The following PIBF1 variants were observed in gnomAD, a reference collection of about 807,000 sequenced individuals.
PIBF1 encodes the protein progesterone immunomodulatory binding factor 1.
In PIBF1, 90 loss-of-function variants were observed where a neutral mutation model predicts 112.5. That is an observed-to-expected ratio of 0.80 (90% CI 0.67 to 0.95). The LOEUF (loss-of-function observed/expected upper bound fraction) is 0.95, where lower values mean the gene tolerates loss of function less well. Ranked by LOEUF, PIBF1 falls within the 40% of genes least tolerant of loss-of-function variation. The pLI is 0.00. For synonymous variants in PIBF1, 301 were observed against 288.6 expected, an observed-to-expected ratio of 1.04 and a Z score of -0.44; for missense variants, 915 against 852.3, an observed-to-expected ratio of 1.07 and a Z score of -0.92.
chr13:72,931,878 T>G (rs2041715024), intron 14 of PIBF1, among the ~76,000 whole-genome samples: 3 of 150,142 alleles, frequency 2.0e-5, no homozygotes, highest in African/African-American at 7.3e-5. Context: ...TTTTATTTAT[T>G]TATTTAATAT....
intron 14 of PIBF1, among the ~76,000 whole-genome samples, chr13:72,935,160 A>G (rs1190323633): frequency 6.6e-6 from 1 of 151,912 alleles, no homozygotes; most frequent in Non-Finnish European, 1.5e-5. Context: ...TAATTTTTGT[A>G]TTTTTAGTAG....
intron 12 of PIBF1, among the ~76,000 whole-genome samples, chr13:72,909,053 A>C (rs776808065): frequency 6.6e-6 from 1 of 152,178 alleles, no homozygotes; most frequent in Non-Finnish European, 1.5e-5. Context: ...TCAAAAAAAA[A>C]AGAAAAGAAA....
intron 14 of PIBF1, among the ~76,000 whole-genome samples, chr13:72,952,900 A>AT (rs1375554551): frequency 1.3e-5 from 2 of 151,410 alleles, no homozygotes; most frequent in Non-Finnish European, 2.9e-5. Flanking sequence ...AAAAAAAAAA[A>AT]AATCCCCAGT....
At chr13:72,801,737 G>A (rs2035486486) in intron 5 of PIBF1, among the ~76,000 whole-genome samples, 1 of 152,142 alleles carries the variant, frequency 6.6e-6, no homozygotes, top group Non-Finnish European at 1.5e-5. Flanking sequence ...ACAATAAAAA[G>A]TGATTTCTCG....
chr13:72,855,599 A>G (rs2038386245), intron 10 of PIBF1, among the ~76,000 whole-genome samples: 2 of 152,136 alleles, frequency 1.3e-5, no homozygotes, highest in African/African-American at 4.8e-5. Context: ...CAGTGAGCAG[A>G]GATCATGCCA....
In PIBF1 at chr13:72,904,433, C is replaced by CTTTTTTTTTTTTTTTTTTTTTTTT. The variant is rs71099767; in HGVS notation, c.1489-4096_1489-4073dup. Among the ~76,000 whole-genome samples the CTTTTTTTTTTTTTTTTTTTTTTTT allele has an allele frequency of 1.8e-3, 65 of 36,558 alleles. 13 individuals carry two copies. The highest frequency in any genetic ancestry group is 2.5e-3 in the African/African-American group (22 of 8,920). The allele number at this position is 36,558 out of a possible 152,430, so 24.0% of individuals were successfully genotyped here. On this transcript the variant is annotated intron_variant, in intron 11 of 17. Transcript: ENST00000326291. Reference sequence around the variant, plus strand: ...ATTTATCCAAAATATCAAAATATTTCTTTTTTTTTTTTTTTTTTTTTTTTT... The same window carrying CTTTTTTTTTTTTTTTTTTTTTTTT: ...ATTTATCCAAAATATCAAAATATTTCTTTTTTTTTTTTTTTTTTTTTTTTTTTTTTTTTTTTTTTTTTTTTTTTT...
chr13:72,985,256 A>G (rs1341803986), intron 16 of PIBF1, among the ~76,000 whole-genome samples: 1 of 150,848 alleles, frequency 6.6e-6, no homozygotes, highest in Non-Finnish European at 1.5e-5. Flanking sequence ...GGCCGGGCGC[A>G]GTGGCTCACG....
At chr13:72,871,595 C>T (rs1461833507) in intron 10 of PIBF1, among the ~76,000 whole-genome samples, 3 of 152,154 alleles carry the variant, frequency 2.0e-5, no homozygotes, top group East Asian at 1.9e-4. Flanking sequence ...TGAGCCTCCG[C>T]GACCAGCCTC....
At chr13:72,972,155 T>C (rs1344987800) in intron 15 of PIBF1, among the ~76,000 whole-genome samples, 8 of 151,866 alleles carry the variant, frequency 5.3e-5, no homozygotes, top group Non-Finnish European at 7.4e-5. Context: ...TACCTCATGC[T>C]TTGATGTAGC....
At chr13:72,817,057 C>T (rs1012414294) in intron 5 of PIBF1, among the ~76,000 whole-genome samples, 1 of 152,120 alleles carries the variant, frequency 6.6e-6, no homozygotes, top group Non-Finnish European at 1.5e-5. Flanking sequence ...TCTTAGTTTT[C>T]CAGAATAGCT....
rs1566457766 is a variant in PIBF1, at chr13:72,927,960, C to CATATATATATAT, written c.1731-3204_1731-3203insTATATATATATA. ...ATATATGTGTGTATATATATATATACACATATATATATATATACATATATA... is the reference window on the plus strand; with the variant it reads ...ATATATGTGTGTATATATATATATACATATATATATATACATATATATATATATACATATATA... On this transcript the variant is annotated intron_variant, in intron 13 of 17. Coordinates refer to ENST00000326291, the MANE Select transcript of PIBF1 (RefSeq NM_006346.4). Among the ~76,000 whole-genome samples, 209 of 112,220 alleles carry CATATATATATAT rather than the reference C, an allele frequency of 1.9e-3. 2 individuals carry two copies. Among genetic ancestry groups the CATATATATATAT allele is most frequent in the African/African-American group, 6.1e-3 (175 of 28,622 alleles). 73.6% of individuals were successfully genotyped at this position (112,220 alleles called of 152,430 possible). A position where few individuals can be genotyped will look rare whatever the true frequency, so the allele number is the denominator to read the frequency against.
At chr13:72,819,510 C>T (rs996593510) in intron 5 of PIBF1, among the ~76,000 whole-genome samples, 2 of 152,100 alleles carry the variant, frequency 1.3e-5, no homozygotes, top group Non-Finnish European at 2.9e-5. Context: ...ACTTTCTCCA[C>T]TTTTACTATT....
chr13:72,821,894 T>G lies in PIBF1; in HGVS notation c.718T>G (p.Cys240Gly), dbSNP rs1391389015. 1 of 1,612,658 alleles carries G rather than the reference T, an allele frequency of 6.2e-7. No homozygotes were observed. The highest frequency in any genetic ancestry group is 8.5e-7 in the Non-Finnish European group (1 of 1,179,142). The change falls in exon 6 of 18, where the codon TGT becomes GGT. Residue 240 changes from cysteine (C) to glycine (G), a missense_variant. Physicochemically the swap from Cys to Gly is radical, Grantham distance 159 (BLOSUM62 -3). Transcript: ENST00000326291. ...AAACTACTCTGAAGTTCAAATTAGA[T>G]GTCAACGTTTGGCCTTAGAATTAGC... The part of the protein sequence containing the change: ...RKNYSEVQIR[C>G]QRLALELADT...
chr13:72,865,629 G>A (rs1273464450), intron 10 of PIBF1, among the ~76,000 whole-genome samples: 1 of 152,130 alleles, frequency 6.6e-6, no homozygotes, highest in Non-Finnish European at 1.5e-5. Context: ...ATGATTGCAA[G>A]CATTGCATTC....
intron 5 of PIBF1, among the ~76,000 whole-genome samples, chr13:72,813,887 A>G (rs1442321489): frequency 7.9e-5 from 12 of 152,096 alleles, no homozygotes; most frequent in Non-Finnish European, 1.5e-4. Flanking sequence ...CCCTGACTTG[A>G]GTGAAAGCCT....
chr13:72,824,001 G>A (rs978670056), intron 6 of PIBF1, among the ~76,000 whole-genome samples: 1 of 151,884 alleles, frequency 6.6e-6, no homozygotes, highest in African/African-American at 2.4e-5. Context: ...AACACACTAT[G>A]GATGAGATCA....
chr13:72,810,500 T>G (rs997910440), intron 5 of PIBF1, among the ~76,000 whole-genome samples: 19 of 152,236 alleles, frequency 1.2e-4, no homozygotes, highest in African/African-American at 3.9e-4. Flanking sequence ...TATCTTGAGG[T>G]TCATCTTAAG....
chr13:72,837,201 A>G (rs1382796997), intron 9 of PIBF1, among the ~76,000 whole-genome samples: 1 of 152,106 alleles, frequency 6.6e-6, no homozygotes, highest in Admixed American at 6.5e-5. Flanking sequence ...GTATTCTTAA[A>G]AAATGTTTTG....
At chr13:72,964,082 C>A (rs145128351) in intron 14 of PIBF1, among the ~76,000 whole-genome samples, 84 of 152,248 alleles carry the variant, frequency 5.5e-4, no homozygotes, top group African/African-American at 1.9e-3. Context: ...AGTGGAAACC[C>A]AAGTATTCAT....
Sources: gnomAD v4.1 joint callset for allele counts (sites outside exome capture counted in the v4.1 genomes callset) on GRCh38, gnomAD v4.1.1 for gene constraint, MANE v1.5 for transcripts, NCBI Gene and HGNC (gene_info 2026-07-23, HGNC 2026-07-21) for gene names.